CNTNAP2: variants seen among roughly 807,000 people sequenced by gnomAD.
The protein encoded by CNTNAP2 is contactin-associated protein-like 2.
Under a neutral mutation model 155.2 loss-of-function variants are expected in CNTNAP2, and 98 were observed. That is an observed-to-expected ratio of 0.63 (90% CI 0.54 to 0.75). CNTNAP2 has a LOEUF of 0.75. Ranked by LOEUF, CNTNAP2 falls within the 30% of genes least tolerant of loss-of-function variation. The pLI, the probability that CNTNAP2 is intolerant of heterozygous loss-of-function variation, is 0.00. For missense variants in CNTNAP2, 1,727 were observed against 1,688.1 expected (o/e 1.02, Z -0.40); for synonymous variants, 651 against 631.2 (o/e 1.03, Z -0.47).
At chr7:146,302,369 G>T (rs982591762) in intron 1 of CNTNAP2, among the ~76,000 whole-genome samples, 32 of 152,090 alleles carry the variant, frequency 2.1e-4, no homozygotes, top group Admixed American at 1.7e-3. Context: ...TAGTCAAAAT[G>T]GTTTATATAT....
chr7:148,093,981 C>T (rs1161376295), intron 15 of CNTNAP2, among the ~76,000 whole-genome samples: 5 of 152,192 alleles, frequency 3.3e-5, no homozygotes, highest in Non-Finnish European at 5.9e-5. Context: ...TGGTCTCAAA[C>T]TCCTGAGCTC....
chr7:146,618,661 TA>T (rs1335548138), intron 1 of CNTNAP2, among the ~76,000 whole-genome samples: 7 of 152,182 alleles, frequency 4.6e-5, no homozygotes, highest in African/African-American at 1.7e-4. Flanking sequence ...TTAGTTCATT[TA>T]ATGAGTATAT....
At chr7:148,034,705 G>A (rs181858913) in intron 15 of CNTNAP2, among the ~76,000 whole-genome samples, 1 of 152,200 alleles carries the variant, frequency 6.6e-6, no homozygotes, top group Admixed American at 6.5e-5. Context: ...CTGTATAATG[G>A]GTAGAAGCCT....
chr7:148,395,316 A>G (rs1313262425), intron 22 of CNTNAP2, among the ~76,000 whole-genome samples: 4 of 151,628 alleles, frequency 2.6e-5, no homozygotes, highest in Admixed American at 2.6e-4. Context: ...GGGTGTGTGT[A>G]TCATGGTCTT....
At chr7:147,240,635 T>G (rs1202830001) in intron 8 of CNTNAP2, among the ~76,000 whole-genome samples, 6 of 148,632 alleles carry the variant, frequency 4.0e-5, no homozygotes, top group African/African-American at 1.5e-4. Flanking sequence ...CCTTTCTCAT[T>G]GTCTTAGGAG....
intron 3 of CNTNAP2, among the ~76,000 whole-genome samples, chr7:147,033,537 T>A (rs778461431): frequency 7.2e-5 from 11 of 152,052 alleles, no homozygotes; most frequent in Non-Finnish European, 1.6e-4. Context: ...ATATGGTTTT[T>A]AACTACCAAT....
At chr7:147,905,303 C>G (rs1458107351) in intron 14 of CNTNAP2, among the ~76,000 whole-genome samples, 4 of 152,198 alleles carry the variant, frequency 2.6e-5, no homozygotes, top group African/African-American at 9.6e-5. Flanking sequence ...AGAGCCCCAG[C>G]TGGTTCATTG....
intron 15 of CNTNAP2, among the ~76,000 whole-genome samples, chr7:148,016,989 TATTC>T (rs770195385): frequency 1.1e-4 from 17 of 152,354 alleles, no homozygotes; most frequent in East Asian, 5.8e-4. Flanking sequence ...TGAAGAGAAA[TATTC>T]AGGAAGGATA....
At chr7:147,859,536 C>T (rs1361370033) in intron 13 of CNTNAP2, among the ~76,000 whole-genome samples, 1 of 116,926 alleles carries the variant, frequency 8.6e-6, no homozygotes, top group East Asian at 2.9e-4. Flanking sequence ...TATTTGAAAA[C>T]CAGAGAGTTA....
chr7:147,848,183 C>G, intron 13 of CNTNAP2, among the ~76,000 whole-genome samples: 1 of 141,102 alleles, frequency 7.1e-6, no homozygotes, highest in East Asian at 2.1e-4. Context: ...ATGGCGGGCG[C>G]CCCTCCCCCA....
chr7:146,661,851 G>A (rs1046573264), intron 1 of CNTNAP2, among the ~76,000 whole-genome samples: 31 of 151,494 alleles, frequency 2.0e-4, no homozygotes, highest in African/African-American at 7.3e-4. Flanking sequence ...GATGGTATAT[G>A]TTCATTTTTG....
intron 8 of CNTNAP2, among the ~76,000 whole-genome samples, chr7:147,236,268 C>A (rs17170366): frequency 2.5e-3 from 386 of 152,292 alleles, no homozygotes; most frequent in African/African-American, 8.7e-3. Context: ...GACTCTGATA[C>A]GCTGTGTGGG....
At chr7:146,535,346 A>C (rs1797849113) in intron 1 of CNTNAP2, among the ~76,000 whole-genome samples, 1 of 62,190 alleles carries the variant, frequency 1.6e-5, no homozygotes, top group Non-Finnish European at 2.6e-5. Flanking sequence ...AATGCATATT[A>C]TATATGATAT....
intron 14 of CNTNAP2, among the ~76,000 whole-genome samples, chr7:147,911,247 G>A (rs1019119698): frequency 5.3e-5 from 8 of 152,194 alleles, no homozygotes; most frequent in Admixed American, 2.0e-4. Flanking sequence ...CCAAGTGAAT[G>A]GGGTCAGCTT....
intron 8 of CNTNAP2, among the ~76,000 whole-genome samples, chr7:147,230,836 A>G (rs1452624239): frequency 2.0e-5 from 3 of 152,058 alleles, no homozygotes; most frequent in African/African-American, 4.8e-5. Context: ...ATTATACACT[A>G]TTTGTCCTTC....
chr7:146,358,522 A>G (rs754840443), intron 1 of CNTNAP2, among the ~76,000 whole-genome samples: 1 of 152,192 alleles, frequency 6.6e-6, no homozygotes, highest in Non-Finnish European at 1.5e-5. Context: ...CTTTCACTCA[A>G]CGCAGACCTG....
In CNTNAP2 at chr7:147,010,269, C is replaced by A. The variant is rs367741187; in HGVS notation, c.403-33638C>A. The stretch of plus-strand genomic sequence containing the variant: ...AGGTGATCCATTCACCTCAGCCTCC[C>A]AAAGTGCTGGGATTACAGACGTGAG... On this transcript the variant is annotated intron_variant, in intron 3 of 23. Coordinates refer to ENST00000361727, the MANE Select transcript of CNTNAP2 (RefSeq NM_014141.6). Among the ~76,000 whole-genome samples, 185 of 152,146 alleles carry A rather than the reference C, an allele frequency of 1.2e-3. 1 individual carries two copies. The Middle Eastern group carries it at 0.014, about 11-fold the overall frequency.
intron 1 of CNTNAP2, among the ~76,000 whole-genome samples, chr7:146,341,170 T>A (rs550733622): frequency 6.6e-6 from 1 of 152,254 alleles, no homozygotes; most frequent in Admixed American, 6.5e-5. Context: ...ATTTTATTCA[T>A]GTTATTTTTC....
intron 10 of CNTNAP2, among the ~76,000 whole-genome samples, chr7:147,409,506 CGAA>C (rs1313287586): frequency 2.0e-5 from 3 of 152,192 alleles, no homozygotes; most frequent in Admixed American, 6.5e-5. Flanking sequence ...GGTTTCATGA[CGAA>C]GACACAAAAG....
Sources: allele counts gnomAD v4.1 joint callset (sites outside exome capture counted in the v4.1 genomes callset), GRCh38; gene constraint gnomAD v4.1.1; transcripts MANE v1.5; gene names NCBI Gene and HGNC (gene_info 2026-07-23, HGNC 2026-07-21).